EML6: variants seen among roughly 807,000 people sequenced by gnomAD.
The protein encoded by EML6 is EMAP like 6, also known as echinoderm microtubule-associated protein-like 6.
Under a neutral mutation model 240.1 loss-of-function variants are expected in EML6, and 154 were observed. The ratio of observed to expected loss-of-function variants is 0.64; its 90% CI spans 0.56 to 0.73. The LOEUF is 0.73. EML6 is among the 30% of genes least tolerant of loss of function. The pLI is 0.00. For missense variants in EML6, 2,964 were observed against 2,474.6 expected (o/e 1.20, Z -4.20); for synonymous variants, 1,148 against 899.0 (o/e 1.28, Z -4.95).
At chr2:54,919,525 C>G (rs1674111949) in intron 26 of EML6, among the ~76,000 whole-genome samples, 1 of 152,132 alleles carries the variant, frequency 6.6e-6, no homozygotes, top group Non-Finnish European at 1.5e-5. Flanking sequence ...GTTCATTGCC[C>G]ATCCCAAAGC....
At chr2:54,802,653 A>G (rs1006644125) in intron 2 of EML6, among the ~76,000 whole-genome samples, 2 of 147,968 alleles carry the variant, frequency 1.4e-5, no homozygotes, top group African/African-American at 2.6e-5. Flanking sequence ...TACTACTACT[A>G]CTACTACTAC....
intron 21 of EML6, among the ~76,000 whole-genome samples, chr2:54,898,283 A>T (rs1672875142): frequency 6.6e-6 from 1 of 152,182 alleles, no homozygotes; most frequent in Non-Finnish European, 1.5e-5. Context: ...TTAAGGAAAT[A>T]CAATTTTGAT....
chr2:54,873,286 C>T (rs915257383), intron 16 of EML6, among the ~76,000 whole-genome samples: 2 of 152,148 alleles, frequency 1.3e-5, no homozygotes, highest in African/African-American at 2.4e-5. Context: ...TTATTCAGTG[C>T]CTTCAGTGAT....
intron 2 of EML6, among the ~76,000 whole-genome samples, chr2:54,728,705 ATTC>A (rs1683019413): frequency 6.6e-6 from 1 of 152,166 alleles, no homozygotes; most frequent in South Asian, 2.1e-4. Context: ...CTCAATAAAT[ATTC>A]TTAGTTGTGG....
At chr2:54,877,894 C>T (rs181724565) in intron 16 of EML6, among the ~76,000 whole-genome samples, 2 of 152,322 alleles carry the variant, frequency 1.3e-5, no homozygotes, top group African/African-American at 2.4e-5. Flanking sequence ...GACTCTCCTT[C>T]ATCCAGAAAA....
chr2:54,869,333 T>G lies in EML6; in HGVS notation c.2204T>G (p.Ile735Ser). 6.4e-7 allele frequency: 1 copy of G among 1,551,530 alleles called. No individual in the cohort carries two copies. Among genetic ancestry groups the G allele is most frequent in the Non-Finnish European group, 8.7e-7 (1 of 1,146,894 alleles). ...GHDDDILSLT[I>S]HPVKDYVATG... ...GATGACGACATTCTCAGCCTGACCA[T>G]CCATCCAGTGAAGGACTATGTGGCT... The change falls in exon 15 of 42, where the codon ATC becomes AGC. Residue 735 changes from isoleucine (I) to serine (S), a missense_variant. Transcript: ENST00000356458.
rs958410507 is a variant in EML6 at position 54,928,709 on chromosome 2, C to G, written c.3962C>G (p.Thr1321Ser). 1 of 1,551,462 alleles carries G rather than the reference C, an allele frequency of 6.4e-7. No individual in the cohort carries two copies. The highest frequency in any genetic ancestry group is 8.7e-7 in the Non-Finnish European group (1 of 1,146,982). Residue 1321 changes from threonine to serine, a missense_variant, in exon 28 of 42, where the codon ACC becomes AGC. Physicochemically the swap from Thr to Ser is moderately conservative, Grantham distance 58. Coordinates refer to ENST00000356458, the MANE Select transcript of EML6 (RefSeq NM_001039753.4). ...YAVSIREMEGTKPHQQLKEVS... is the reference protein window; with the variant it reads ...YAVSIREMEGSKPHQQLKEVS... ...GTGAGCATCAGGGAAATGGAAGGCACCAAGCCACACCAGCAGCTGAAGGAA... is the reference window on the plus strand; with the variant it reads ...GTGAGCATCAGGGAAATGGAAGGCAGCAAGCCACACCAGCAGCTGAAGGAA...
intron 2 of EML6, among the ~76,000 whole-genome samples, chr2:54,800,846 C>G (rs537526515): frequency 1.3e-5 from 2 of 152,068 alleles, no homozygotes; most frequent in Non-Finnish European, 2.9e-5. Flanking sequence ...TCAACTCCAG[C>G]CCAGGTAGAC....
At chr2:54,840,123 A>G (rs974226592) in intron 7 of EML6, among the ~76,000 whole-genome samples, 3 of 152,202 alleles carry the variant, frequency 2.0e-5, no homozygotes, top group South Asian at 2.1e-4. Context: ...TTCTGTAATA[A>G]AGCATAAATA....
At chr2:54,833,406 T>A (rs1668975581) in intron 7 of EML6, among the ~76,000 whole-genome samples, 1 of 152,250 alleles carries the variant, frequency 6.6e-6, no homozygotes, top group African/African-American at 2.4e-5. Context: ...CTAAGATGGA[T>A]ACTAAGCTCA....
intron 5 of EML6, among the ~76,000 whole-genome samples, chr2:54,825,311 G>T (rs1222476965): frequency 1.3e-5 from 2 of 152,128 alleles, no homozygotes; most frequent in Non-Finnish European, 2.9e-5. Flanking sequence ...CTAATAGTTT[G>T]TTCAGGTTCA....
intron 24 of EML6, among the ~76,000 whole-genome samples, chr2:54,907,432 G>A (rs375246803): frequency 5.9e-5 from 9 of 152,144 alleles, no homozygotes; most frequent in Non-Finnish European, 1.2e-4. Flanking sequence ...CGCTTGAACC[G>A]GGAGGCAGAG....
intron 24 of EML6, among the ~76,000 whole-genome samples, chr2:54,905,064 T>G (rs1012346291): frequency 6.6e-6 from 1 of 152,078 alleles, no homozygotes; most frequent in African/African-American, 2.4e-5. Context: ...CAAAGGGAGA[T>G]CAGATAAGTC....
intron 17 of EML6, chr2:54,881,677 C>G (rs952287380): frequency 2.7e-5 from 4 of 145,874 alleles, no homozygotes; most frequent in African/African-American, 1.0e-4. Context: ...AAAATTTAAA[C>G]AGGGGCATGA....
chr2:54,799,220 C>T (rs1051273208), intron 2 of EML6, among the ~76,000 whole-genome samples: 1 of 152,032 alleles, frequency 6.6e-6, no homozygotes, highest in African/African-American at 2.4e-5. Flanking sequence ...ACCACCATGC[C>T]CAGCTAATTT....
intron 2 of EML6, among the ~76,000 whole-genome samples, chr2:54,790,901 A>AT (rs1669408459): frequency 1.3e-5 from 2 of 150,556 alleles, no homozygotes; most frequent in African/African-American, 2.4e-5. Context: ...AATTTTTTGT[A>AT]TTTTTAGTAG....
chr2:54,930,988 C>A (rs557062298), intron 28 of EML6, among the ~76,000 whole-genome samples: 2 of 127,286 alleles, frequency 1.6e-5, no homozygotes, highest in African/African-American at 6.1e-5. Context: ...GACGGAGTCT[C>A]GCTCTGTCGC....
intron 9 of EML6, 101 bp downstream of exon 9, chr2:54,847,724 T>A: frequency 2.3e-6 from 3 of 1,322,362 alleles, no homozygotes; most frequent in Non-Finnish European, 3.1e-6. Flanking sequence ...AAAAATCCAT[T>A]TAGCCATTCA....
At chr2:54,894,885 A>G (rs1277863194) in intron 19 of EML6, 30 bp from the exon 20 acceptor site, 6 of 1,476,614 alleles carry the variant, frequency 4.1e-6, no homozygotes, top group African/African-American at 2.8e-5. Context: ...TTTGATGTGT[A>G]TATAATACCT....
Sources: gnomAD v4.1 joint callset for allele counts (sites outside exome capture counted in the v4.1 genomes callset) on GRCh38, gnomAD v4.1.1 for gene constraint, MANE v1.5 for transcripts, NCBI Gene and HGNC (gene_info 2026-07-23, HGNC 2026-07-21) for gene names.